The following TTLL11 variants were observed in gnomAD, a reference collection of about 807,000 sequenced individuals.
TTLL11 encodes tubulin polyglutamylase TTLL11.
Under a neutral mutation model 51.7 loss-of-function variants are expected in TTLL11, and 42 were observed. The observed-to-expected ratio is 0.81, with a 90% CI of 0.64 to 1.05. The LOEUF is 1.05. TTLL11 is among the 50% of genes least tolerant of loss of function. The probability of loss-of-function intolerance (pLI) is 0.00; values close to 1 mark genes in which losing one functional copy is unlikely to be tolerated. For synonymous variants in TTLL11, 381 were observed against 383.5 expected (o/e 0.99, Z 0.08); for missense variants, 799 against 940.4 (o/e 0.85, Z 1.97).
intron 7 of TTLL11, 29 bp from the exon 8 acceptor site, chr9:121,860,472 T>A: frequency 1.3e-6 from 2 of 1,534,006 alleles, no homozygotes; most frequent in Non-Finnish European, 1.8e-6. Flanking sequence ...GACATGTCAC[T>A]GCCAGCCTGA....
intron 6 of TTLL11, among the ~76,000 whole-genome samples, chr9:121,903,635 C>T (rs1235922397): frequency 2.0e-5 from 3 of 152,054 alleles, no homozygotes; most frequent in East Asian, 1.9e-4. Flanking sequence ...ATACATGTAA[C>T]GTATGAATAT....
chr9:122,002,937 T>C, intron 3 of TTLL11, among the ~76,000 whole-genome samples: 1 of 101,270 alleles, frequency 9.9e-6, no homozygotes. Flanking sequence ...AGAGTGAGAC[T>C]CTGTCTCAAA....
At chr9:122,003,731 C>T (rs551380925) in intron 3 of TTLL11, among the ~76,000 whole-genome samples, 8 of 151,066 alleles carry the variant, frequency 5.3e-5, no homozygotes, top group Non-Finnish European at 8.9e-5. Context: ...GTGATCCACC[C>T]GCCTCAGCCT....
intron 8 of TTLL11, 112 bp downstream of exon 8, chr9:121,860,225 G>A: frequency 1.3e-6 from 1 of 780,154 alleles, no homozygotes; most frequent in South Asian, 1.8e-5. Flanking sequence ...GTCTAGATCT[G>A]ATGGCATCAT....
intron 8 of TTLL11, among the ~76,000 whole-genome samples, chr9:121,826,557 G>GTA (rs1171227988): frequency 0.046 from 2,353 of 51,278 alleles, 134 homozygotes; most frequent in Admixed American, 0.14. Flanking sequence ...ATATGTGTGT[G>GTA]TATATATATA....
At chr9:121,837,110 T>C (rs1837201856) in intron 8 of TTLL11, among the ~76,000 whole-genome samples, 1 of 152,200 alleles carries the variant, frequency 6.6e-6, no homozygotes, top group Non-Finnish European at 1.5e-5. Context: ...ACCCTGTTGT[T>C]TATAGACTGT....
intron 2 of TTLL11, among the ~76,000 whole-genome samples, chr9:122,033,089 C>T (rs181920454): frequency 1.2e-4 from 18 of 152,316 alleles, no homozygotes; most frequent in African/African-American, 3.8e-4. Flanking sequence ...GTGTAAGCCG[C>T]CATGCCTGGC....
rs149501783 is a variant in TTLL11, at chr9:122,016,082, G to A, written c.693+15641C>T. On this transcript the variant is annotated intron_variant, in intron 3 of 8. Coordinates refer to ENST00000321582, the MANE Select transcript of TTLL11 (RefSeq NM_001139442.2). ...TTGTTGAGAACTTGCTCCAGACGTCGGGGGCAGAGTAGGCTTTATAGAGAA... is the reference window on the plus strand; with the variant it reads ...TTGTTGAGAACTTGCTCCAGACGTCAGGGGCAGAGTAGGCTTTATAGAGAA... Among the ~76,000 whole-genome samples the A allele has an allele frequency of 3.1e-3, 466 of 152,232 alleles. 5 individuals carry two copies. Among genetic ancestry groups the A allele is most frequent in the African/African-American group, 0.011 (440 of 41,536 alleles).
intron 6 of TTLL11, among the ~76,000 whole-genome samples, chr9:121,960,103 C>T: frequency 6.7e-6 from 1 of 150,058 alleles, no homozygotes; most frequent in Non-Finnish European, 1.5e-5. Flanking sequence ...CCACCTTAAA[C>T]TTCTGATCTT....
chr9:122,032,004 C>T (rs1054514734), intron 2 of TTLL11, 148 bp from the exon 3 acceptor site: 61 of 1,079,644 alleles, frequency 5.7e-5, no homozygotes, highest in Non-Finnish European at 6.4e-5. Context: ...TTCCCCACAG[C>T]GGTGACTCAT....
chr9:121,847,766 T>C (rs1837559041), intron 8 of TTLL11, among the ~76,000 whole-genome samples: 1 of 152,202 alleles, frequency 6.6e-6, no homozygotes, highest in Non-Finnish European at 1.5e-5. Context: ...TCTTTCAGAA[T>C]ACAGAAGCAG....
intron 1 of TTLL11, among the ~76,000 whole-genome samples, chr9:122,084,279 A>G (rs1363835220): frequency 6.6e-6 from 1 of 152,212 alleles, no homozygotes; most frequent in Non-Finnish European, 1.5e-5. Flanking sequence ...ACAGAGAAGC[A>G]TATGGGAGAG....
chr9:121,909,538 C>T (rs1349690746), intron 6 of TTLL11, among the ~76,000 whole-genome samples: 5 of 152,222 alleles, frequency 3.3e-5, no homozygotes, highest in Admixed American at 1.3e-4. Context: ...ACCCCTTTTT[C>T]CAAGTATATG....
At chr9:121,885,995 C>T (rs1329453126) in intron 6 of TTLL11, among the ~76,000 whole-genome samples, 1 of 152,188 alleles carries the variant, frequency 6.6e-6, no homozygotes, top group Non-Finnish European at 1.5e-5. Flanking sequence ...TCCCAAAGTG[C>T]TGGGATTACA....
intron 1 of TTLL11, among the ~76,000 whole-genome samples, chr9:122,071,980 A>G (rs1198933870): frequency 6.6e-6 from 1 of 152,064 alleles, no homozygotes; most frequent in Non-Finnish European, 1.5e-5. Flanking sequence ...CACCACTGCA[A>G]CCCCTAAATA....
intron 8 of TTLL11, among the ~76,000 whole-genome samples, chr9:121,850,078 TA>T (rs371186883): frequency 1.3e-5 from 2 of 151,246 alleles, no homozygotes; most frequent in African/African-American, 4.9e-5. Context: ...TTATTTTTCT[TA>T]AAAAAAACCT....
chr9:121,943,064 C>T (rs906242075), intron 6 of TTLL11, among the ~76,000 whole-genome samples: 8 of 152,132 alleles, frequency 5.3e-5, no homozygotes, highest in African/African-American at 1.7e-4. Context: ...CCTAATCACA[C>T]GATCGTGAAA....
chr9:122,070,419 A>G (rs1208456343), intron 1 of TTLL11, among the ~76,000 whole-genome samples: 1 of 152,062 alleles, frequency 6.6e-6, no homozygotes, highest in Non-Finnish European at 1.5e-5. Context: ...CTTTTCCAGG[A>G]CATGAGCAAA....
intron 2 of TTLL11, among the ~76,000 whole-genome samples, chr9:122,033,496 C>A (rs572788987): frequency 6.6e-6 from 1 of 152,284 alleles, no homozygotes; most frequent in East Asian, 1.9e-4. Context: ...CAAACAGTTC[C>A]ATTACTGATA....
Sources: allele counts gnomAD v4.1 joint callset (sites outside exome capture counted in the v4.1 genomes callset), GRCh38; gene constraint gnomAD v4.1.1; transcripts MANE v1.5; gene names NCBI Gene and HGNC (gene_info 2026-07-23, HGNC 2026-07-21).